KCNQ5: variants seen among roughly 807,000 people sequenced by gnomAD.
KCNQ5 encodes the protein potassium voltage-gated channel subfamily Q member 5, also known as potassium voltage-gated channel subfamily KQT member 5.
KCNQ5 carries 30 observed loss-of-function variants against 98.2 expected under a neutral mutation model. The observed-to-expected ratio is 0.31, with a 90% confidence interval of 0.23 to 0.41. The LOEUF is 0.41. KCNQ5 is among the 10% of genes least tolerant of loss of function. The pLI is 1.00. For missense variants in KCNQ5, 835 were observed against 1,182.5 expected (o/e 0.71, Z 4.31); for synonymous variants, 458 against 449.4 (o/e 1.02, Z -0.24).
intron 1 of KCNQ5, among the ~76,000 whole-genome samples, chr6:72,647,783 C>T (rs531663850): frequency 3.3e-5 from 5 of 152,224 alleles, no homozygotes; most frequent in African/African-American, 1.2e-4. Flanking sequence ...GGAATGACTC[C>T]CCCATTAGAT....
chr6:72,659,822 G>A (rs1006343848), intron 1 of KCNQ5, among the ~76,000 whole-genome samples: 6 of 152,146 alleles, frequency 3.9e-5, no homozygotes, highest in East Asian at 1.9e-4. Flanking sequence ...ACATCCCCTC[G>A]GTCCCCCATA....
intron 9 of KCNQ5, among the ~76,000 whole-genome samples, chr6:73,130,433 G>C (rs1328640251): frequency 6.6e-6 from 1 of 152,148 alleles, no homozygotes; most frequent in Non-Finnish European, 1.5e-5. Flanking sequence ...GTAACTGTGG[G>C]ACTGTACCCT....
intron 1 of KCNQ5, among the ~76,000 whole-genome samples, chr6:72,774,297 G>A (rs528437406): frequency 6.6e-6 from 1 of 152,010 alleles, no homozygotes; most frequent in Non-Finnish European, 1.5e-5. Context: ...CAATATATAA[G>A]CAGATTAGCC....
At chr6:72,853,331 A>G (rs944244023) in intron 1 of KCNQ5, among the ~76,000 whole-genome samples, 3 of 152,058 alleles carry the variant, frequency 2.0e-5, no homozygotes, top group Admixed American at 6.6e-5. Flanking sequence ...GACAATACTG[A>G]ACATTTCTTT....
At chr6:73,078,408 A>G (rs1196056439) in intron 5 of KCNQ5, among the ~76,000 whole-genome samples, 1 of 152,140 alleles carries the variant, frequency 6.6e-6, no homozygotes, top group African/African-American at 2.4e-5. Flanking sequence ...TTTTCTTTAT[A>G]TTATTAAAGA....
At chr6:72,788,179 G>A (rs893158553) in intron 1 of KCNQ5, among the ~76,000 whole-genome samples, 2 of 152,186 alleles carry the variant, frequency 1.3e-5, no homozygotes, top group African/African-American at 2.4e-5. Context: ...TGTAGACTAT[G>A]TATTGTGAGT....
intron 1 of KCNQ5, among the ~76,000 whole-genome samples, chr6:72,808,597 C>T (rs1775069859): frequency 6.6e-6 from 1 of 151,872 alleles, no homozygotes; most frequent in Non-Finnish European, 1.5e-5. Flanking sequence ...TGTCTAGTGC[C>T]CCAGCACTTT....
rs980191518 is a variant in KCNQ5, at chr6:72,704,248, T to C, written c.398+81661T>C. On this transcript the variant is annotated intron_variant, in intron 1 of 13. Transcript: ENST00000370398. Reference sequence around the variant, plus strand: ...AGAGAAATATTCCTCCCTCTGTTTATGGAGTAACAGTAAAATCATGTTAAA... The same window carrying C: ...AGAGAAATATTCCTCCCTCTGTTTACGGAGTAACAGTAAAATCATGTTAAA... 4.6e-5 allele frequency among the ~76,000 whole-genome samples: 7 copies of C among 152,202 alleles called. No homozygotes were observed. The South Asian group carries it at 1.4e-3, about 32-fold the overall frequency.
intron 1 of KCNQ5, among the ~76,000 whole-genome samples, chr6:72,802,361 CTTCATTTCA>C (rs1287608438): frequency 6.6e-6 from 1 of 152,142 alleles, no homozygotes; most frequent in African/African-American, 2.4e-5. Flanking sequence ...TCCCTTCTCA[CTTCATTTCA>C]TTCATTTCAT....
intron 1 of KCNQ5, among the ~76,000 whole-genome samples, chr6:72,843,920 C>G (rs1776911256): frequency 6.6e-6 from 1 of 151,744 alleles, no homozygotes; most frequent in South Asian, 2.1e-4. Flanking sequence ...TCATTCTCAG[C>G]AAACTTGCTC....
chr6:72,783,247 A>G (rs1773577250), intron 1 of KCNQ5, among the ~76,000 whole-genome samples: 1 of 152,166 alleles, frequency 6.6e-6, no homozygotes, highest in Admixed American at 6.5e-5. Context: ...TATAAAATAT[A>G]CTAAGTAAAT....
At chr6:72,747,732 T>C (rs767465728) in intron 1 of KCNQ5, among the ~76,000 whole-genome samples, 11 of 152,216 alleles carry the variant, frequency 7.2e-5, no homozygotes, top group Non-Finnish European at 1.3e-4. Flanking sequence ...CCATTGTCCA[T>C]ATCATATCTT....
chr6:73,046,940 G>A (rs1364983928), intron 3 of KCNQ5, among the ~76,000 whole-genome samples: 3 of 152,152 alleles, frequency 2.0e-5, no homozygotes, highest in African/African-American at 7.2e-5. Context: ...ACCACGCCTG[G>A]CCTTTATAAT....
chr6:73,158,252 AGATTT>A (rs1189353317), intron 10 of KCNQ5: 3 of 71,000 alleles, frequency 4.2e-5, no homozygotes, highest in East Asian at 8.6e-4. Flanking sequence ...GAATTTTGGA[AGATTT>A]TTTTTTTTTT....
intron 1 of KCNQ5, among the ~76,000 whole-genome samples, chr6:72,922,810 C>CTTTTTTT (rs369263359): frequency 7.5e-4 from 78 of 103,870 alleles, no homozygotes; most frequent in Non-Finnish European, 1.1e-3. Flanking sequence ...TTTTCTTTTT[C>CTTTTTTT]TTTTTTTTTT....
rs1174755073 is a variant in KCNQ5, at chr6:73,133,292, A to G, written c.1248-129A>G. 9 of 723,496 alleles carry G rather than the reference A, an allele frequency of 1.2e-5. No homozygotes were observed. In the Admixed American group the frequency reaches 2.3e-4, roughly 19 times the overall value. The allele number at this position is 723,496 out of a possible 1,614,324, so 44.8% of individuals were successfully genotyped here. On this transcript the variant is annotated intron_variant, in intron 9 of 13. Coordinates refer to ENST00000370398, the MANE Select transcript of KCNQ5 (RefSeq NM_019842.4). ...TTTAAATAAGGGAAAAATAATTGCTATGCTCCTACGTGCTGAAAACATCTT... is the reference window on the plus strand; with the variant it reads ...TTTAAATAAGGGAAAAATAATTGCTGTGCTCCTACGTGCTGAAAACATCTT...
intron 7 of KCNQ5, 111 bp from the exon 8 acceptor site, chr6:73,120,372 T>A (rs555171140): frequency 1.4e-6 from 1 of 719,074 alleles, no homozygotes; most frequent in South Asian, 2.5e-5. Context: ...GGGCTAAGTA[T>A]AAGAGGCAAA....
Sources: gnomAD v4.1 joint callset for allele counts (sites outside exome capture counted in the v4.1 genomes callset) on GRCh38, gnomAD v4.1.1 for gene constraint, MANE v1.5 for transcripts, NCBI Gene and HGNC (gene_info 2026-07-23, HGNC 2026-07-21) for gene names.